PRKG1: variants seen among roughly 807,000 people sequenced by gnomAD.
The protein encoded by PRKG1 is cGMP-dependent protein kinase 1.
PRKG1 carries 35 observed loss-of-function variants against 88.1 expected under a neutral mutation model. That is an observed-to-expected ratio of 0.40 (90% CI 0.30 to 0.53). The LOEUF is 0.53. PRKG1 is among the 20% of genes least tolerant of loss of function. PRKG1 has a pLI of 0.59. For missense variants in PRKG1, 540 were observed against 839.8 expected, an observed-to-expected ratio of 0.64 and a Z score of 4.41; for synonymous variants, 303 against 292.5, an observed-to-expected ratio of 1.04 and a Z score of -0.37.
At chr10:51,541,002 C>A (rs143955719) in intron 3 of PRKG1, among the ~76,000 whole-genome samples, 193 of 152,270 alleles carry the variant, frequency 1.3e-3, no homozygotes, top group Middle Eastern at 0.01. Context: ...CAGGCGTGAG[C>A]CACCACATCC....
intron 2 of PRKG1, among the ~76,000 whole-genome samples, chr10:51,195,018 A>C (rs1352334482): frequency 2.0e-5 from 3 of 152,184 alleles, no homozygotes; most frequent in Non-Finnish European, 4.4e-5. Context: ...CCAACACGTG[A>C]ACTTTGGAGG....
At chr10:52,068,202 C>CAAAAAAAAAA (rs71032621) in intron 7 of PRKG1, among the ~76,000 whole-genome samples, 1 of 38,852 alleles carries the variant, frequency 2.6e-5, no homozygotes, top group Non-Finnish European at 4.7e-5. Flanking sequence ...AACTCCGTCT[C>CAAAAAAAAAA]AAAAAAAAAA....
intron 2 of PRKG1, among the ~76,000 whole-genome samples, chr10:51,160,219 A>G (rs1200936218): frequency 6.6e-6 from 1 of 152,156 alleles, no homozygotes; most frequent in Admixed American, 6.6e-5. Context: ...TTAGTTTTGA[A>G]TATTCTTTTA....
intron 9 of PRKG1, among the ~76,000 whole-genome samples, chr10:52,166,487 G>C (rs1406225841): frequency 1.5e-5 from 2 of 134,510 alleles, no homozygotes; most frequent in African/African-American, 5.6e-5. Flanking sequence ...AGGCTGGAGT[G>C]CAGTGGCAGG....
At chr10:51,278,794 G>C (rs12256943) in intron 2 of PRKG1, among the ~76,000 whole-genome samples, 2,056 of 152,178 alleles carry the variant, frequency 0.014, 46 homozygotes, top group African/African-American at 0.047. Context: ...GGGATCAGTG[G>C]TGATATCCCC....
chr10:51,548,909 C>CA (rs1183123334), intron 3 of PRKG1, among the ~76,000 whole-genome samples: 1 of 151,880 alleles, frequency 6.6e-6, no homozygotes, highest in Non-Finnish European at 1.5e-5. Context: ...AACACCTTCC[C>CA]AAAATGTTCA....
rs561023600 is a variant in PRKG1, at chr10:51,743,330, G to A, written c.593-61255G>A. Among the ~76,000 whole-genome samples the A allele has an allele frequency of 1.9e-4, 29 of 152,172 alleles. No individual in the cohort carries two copies. In the South Asian group the frequency reaches 5.0e-3, roughly 26 times the overall value. On this transcript the variant is annotated intron_variant, in intron 3 of 17. Coordinates refer to ENST00000373980, the MANE Select transcript of PRKG1 (RefSeq NM_006258.4). ...GCTTTCTAGGGGTGGGTGCCCATGT[G>A]TGCAGTGCTGCCCTTTCAGTTTCTT...
At chr10:51,082,374 A>G (rs1181698244) in intron 1 of PRKG1, among the ~76,000 whole-genome samples, 4 of 152,194 alleles carry the variant, frequency 2.6e-5, no homozygotes, top group Non-Finnish European at 5.9e-5. Context: ...AGTGGAAGAA[A>G]TAATGTAGGA....
intron 3 of PRKG1, among the ~76,000 whole-genome samples, chr10:51,798,919 A>G (rs187740386): frequency 1.1e-3 from 168 of 152,030 alleles, no homozygotes; most frequent in Non-Finnish European, 5.2e-4. Flanking sequence ...TTTTATTTTC[A>G]CTCATATGTC....
chr10:52,195,326 A>G (rs1839477115), intron 9 of PRKG1, among the ~76,000 whole-genome samples: 1 of 151,970 alleles, frequency 6.6e-6, no homozygotes, highest in Non-Finnish European at 1.5e-5. Context: ...ATAGCTACCC[A>G]TTTTATATAT....
chr10:52,136,038 T>A (rs1837406525), intron 8 of PRKG1, among the ~76,000 whole-genome samples: 1 of 151,810 alleles, frequency 6.6e-6, no homozygotes, highest in Non-Finnish European at 1.5e-5. Context: ...AAAGAGATAA[T>A]CACAGTGTTA....
intron 2 of PRKG1, among the ~76,000 whole-genome samples, chr10:51,272,361 TG>T (rs563134612): frequency 2.3e-5 from 3 of 129,624 alleles, no homozygotes; most frequent in African/African-American, 1.2e-4. Flanking sequence ...TATCGTGGGG[TG>T]GGGGGCTAGG....
chr10:51,499,050 G>T (rs1840947568), intron 3 of PRKG1, among the ~76,000 whole-genome samples: 1 of 152,176 alleles, frequency 6.6e-6, no homozygotes, highest in Non-Finnish European at 1.5e-5. Context: ...TGAGAAGAAT[G>T]TTAATTTATA....
chr10:51,996,711 G>T (rs899280262), intron 5 of PRKG1, among the ~76,000 whole-genome samples: 1 of 152,002 alleles, frequency 6.6e-6, no homozygotes, highest in Non-Finnish European at 1.5e-5. Context: ...CATCCATTGT[G>T]AAAAAAAGTA....
At chr10:52,153,897 T>C (rs372808594) in intron 8 of PRKG1, among the ~76,000 whole-genome samples, 2 of 152,002 alleles carry the variant, frequency 1.3e-5, no homozygotes, top group Non-Finnish European at 2.9e-5. Flanking sequence ...AGGCATGGAC[T>C]ACCATGCCTG....
intron 1 of PRKG1, among the ~76,000 whole-genome samples, chr10:51,042,344 A>G (rs1299010982): frequency 1.3e-5 from 2 of 152,136 alleles, no homozygotes; most frequent in Non-Finnish European, 2.9e-5. Flanking sequence ...AACACTTCTG[A>G]TATTTCCCAC....
At chr10:51,606,236 G>C (rs2132235479) in intron 3 of PRKG1, among the ~76,000 whole-genome samples, 1 of 152,026 alleles carries the variant, frequency 6.6e-6, no homozygotes, top group East Asian at 1.9e-4. Context: ...GTTTCCCTCT[G>C]TCTCTCCAGA....
intron 7 of PRKG1, among the ~76,000 whole-genome samples, chr10:52,095,245 T>C (rs1236748927): frequency 1.3e-5 from 2 of 152,182 alleles, no homozygotes; most frequent in East Asian, 3.9e-4. Context: ...GTATATCTTC[T>C]TGATATACTA....
At chr10:51,048,661 A>G (rs1589122884) in intron 1 of PRKG1, among the ~76,000 whole-genome samples, 1 of 152,164 alleles carries the variant, frequency 6.6e-6, no homozygotes, top group African/African-American at 2.4e-5. Context: ...GGTTCAAGAG[A>G]CTAAAAGCAT....
Sources: allele counts gnomAD v4.1 joint callset (sites outside exome capture counted in the v4.1 genomes callset), GRCh38; gene constraint gnomAD v4.1.1; transcripts MANE v1.5; gene names NCBI Gene and HGNC (gene_info 2026-07-23, HGNC 2026-07-21).